CCDC149: variants seen among roughly 807,000 people sequenced by gnomAD.
CCDC149 encodes the protein coiled-coil domain-containing protein 149.
Under a neutral mutation model 59.9 loss-of-function variants are expected in CCDC149, and 45 were observed. The observed-to-expected ratio is 0.75, with a 90% CI of 0.59 to 0.96. CCDC149 has a LOEUF of 0.96. CCDC149 is among the 40% of genes least tolerant of loss of function. CCDC149 has a pLI of 0.00. For missense variants in CCDC149, 584 were observed against 664.7 expected (o/e 0.88, Z 1.33); for synonymous variants, 245 against 260.6 (o/e 0.94, Z 0.58).
chr4:24,972,437 A>T (rs1723999621), intron 1 of CCDC149, among the ~76,000 whole-genome samples: 1 of 151,966 alleles, frequency 6.6e-6, no homozygotes, highest in South Asian at 2.1e-4. Context: ...CCTCCCAAGT[A>T]GCTGGGACTA....
intron 3 of CCDC149, among the ~76,000 whole-genome samples, chr4:24,865,919 C>T (rs896054142): frequency 4.6e-5 from 7 of 152,152 alleles, no homozygotes; most frequent in Non-Finnish European, 8.8e-5. Flanking sequence ...TTTGGGAGTG[C>T]TCCTAGGGAC....
At chr4:24,962,636 A>G (rs1479331441) in intron 1 of CCDC149, among the ~76,000 whole-genome samples, 1 of 152,176 alleles carries the variant, frequency 6.6e-6, no homozygotes, top group Non-Finnish European at 1.5e-5. Flanking sequence ...CACAAGGACA[A>G]AAAACCAAGC....
intron 1 of CCDC149, among the ~76,000 whole-genome samples, chr4:24,953,274 G>A (rs568087862): frequency 1.3e-5 from 2 of 152,254 alleles, no homozygotes; most frequent in African/African-American, 4.8e-5. Flanking sequence ...TGCCCACCCT[G>A]GCTCTTGCAA....
chr4:24,913,007 G>A lies in CCDC149; in HGVS notation c.-128C>T, dbSNP rs1721990997. On this transcript the variant is annotated 5_prime_UTR_variant, in exon 1 of 13. Transcript: ENST00000635206. The stretch of plus-strand genomic sequence containing the variant: ...CCGAGCCGCTGCGCCGCCGCCTCTC[G>A]CGGCCGCCAGCGCTGTTGACTCCAC... 4.4e-6 allele frequency: 1 copy of A among 229,302 alleles called. No individual in the cohort carries two copies. Among genetic ancestry groups the A allele is most frequent in the African/African-American group, 2.4e-5 (1 of 42,540 alleles). 14.2% of individuals were successfully genotyped at this position (229,302 alleles called of 1,614,324 possible). A position where few individuals can be genotyped will look rare whatever the true frequency, so the allele number is the denominator to read the frequency against.
At chr4:24,960,290 T>C (rs1181447467) in intron 1 of CCDC149, among the ~76,000 whole-genome samples, 1 of 152,176 alleles carries the variant, frequency 6.6e-6, no homozygotes, top group Non-Finnish European at 1.5e-5. Flanking sequence ...TAACAATTGT[T>C]AATTGTTAGC....
chr4:24,881,656 G>A (rs144734687), intron 1 of CCDC149, among the ~76,000 whole-genome samples: 24 of 152,354 alleles, frequency 1.6e-4, no homozygotes, highest in African/African-American at 4.1e-4. Context: ...GACTGTCTGG[G>A]GGGGAGAAAA....
At chr4:24,910,451 T>TG (rs1355131861) in intron 1 of CCDC149, among the ~76,000 whole-genome samples, 1 of 151,172 alleles carries the variant, frequency 6.6e-6, no homozygotes, top group Non-Finnish European at 1.5e-5. Context: ...GGTGGGGAGG[T>TG]GGGGGGAGCA....
chr4:24,961,464 A>C (rs1411787714), intron 1 of CCDC149, among the ~76,000 whole-genome samples: 1 of 152,170 alleles, frequency 6.6e-6, no homozygotes, highest in East Asian at 1.9e-4. Context: ...AACTACTTTA[A>C]ACTTCATATG....
chr4:24,954,834 A>T (rs190900083), intron 1 of CCDC149, among the ~76,000 whole-genome samples: 7 of 152,362 alleles, frequency 4.6e-5, no homozygotes, highest in Admixed American at 3.9e-4. Context: ...TTCTATTCAT[A>T]CTGATCTTAT....
chr4:24,857,082 A>G (rs1287408355), intron 3 of CCDC149, among the ~76,000 whole-genome samples: 1 of 152,138 alleles, frequency 6.6e-6, no homozygotes, highest in Non-Finnish European at 1.5e-5. Context: ...ATGAAAACGT[A>G]AAAAAAGACA....
intron 3 of CCDC149, among the ~76,000 whole-genome samples, chr4:24,865,606 C>T (rs1001563736): frequency 5.3e-5 from 8 of 152,304 alleles, no homozygotes; most frequent in East Asian, 1.9e-4. Context: ...ACTGCCACCT[C>T]GTAATCTCAA....
intron 4 of CCDC149, among the ~76,000 whole-genome samples, chr4:24,843,247 G>A (rs1233740217): frequency 6.6e-6 from 1 of 152,202 alleles, no homozygotes; most frequent in African/African-American, 2.4e-5. Context: ...TATCGAGAGG[G>A]TCAGATGAAA....
intron 1 of CCDC149, among the ~76,000 whole-genome samples, chr4:24,910,212 T>C (rs1055577176): frequency 6.6e-6 from 1 of 152,216 alleles, no homozygotes; most frequent in African/African-American, 2.4e-5. Context: ...TGTCTTCACA[T>C]GGTCTTCCTT....
At chr4:24,871,532 T>C (rs1233673659) in intron 3 of CCDC149, among the ~76,000 whole-genome samples, 1 of 152,224 alleles carries the variant, frequency 6.6e-6, no homozygotes, top group East Asian at 1.9e-4. Context: ...AAAGCCGTCA[T>C]TTAGGGCATG....
chr4:24,881,054 T>C (rs1204222254), intron 1 of CCDC149, among the ~76,000 whole-genome samples: 1 of 152,222 alleles, frequency 6.6e-6, no homozygotes, highest in African/African-American at 2.4e-5. Context: ...CTCTGCCTTG[T>C]CTAAGACAGA....
chr4:24,869,384 G>A (rs977320590), intron 3 of CCDC149, among the ~76,000 whole-genome samples: 1 of 152,212 alleles, frequency 6.6e-6, no homozygotes, highest in African/African-American at 2.4e-5. Flanking sequence ...GGGCCCTGCT[G>A]TGGCTATTCC....
At position 24,893,444 on chromosome 4, in the gene CCDC149, A is replaced by C. The variant is rs1577459095; in HGVS notation, c.64-16747T>G. Among the ~76,000 whole-genome samples, 3 of 152,258 alleles carry C rather than the reference A, an allele frequency of 2.0e-5. No individual in the cohort carries two copies. The South Asian group carries it at 6.2e-4, about 32-fold the overall frequency. ...TGTGGTATGAGGAAATTGGACACCC[A>C]ATATTGTAAGACTTGTAATCCACTT... On this transcript the variant is annotated intron_variant, in intron 1 of 12. Coordinates refer to ENST00000635206, the MANE Select transcript of CCDC149 (RefSeq NM_001330643.2).
chr4:24,900,424 C>T (rs1337891983), intron 1 of CCDC149, among the ~76,000 whole-genome samples: 1 of 152,090 alleles, frequency 6.6e-6, no homozygotes, highest in Non-Finnish European at 1.5e-5. Context: ...AGCTACTTTC[C>T]CTAAATGAGG....
intron 11 of CCDC149, among the ~76,000 whole-genome samples, chr4:24,820,572 A>C (rs2109105847): frequency 6.6e-6 from 1 of 152,324 alleles, no homozygotes; most frequent in Non-Finnish European, 1.5e-5. Flanking sequence ...GTCTTATTTC[A>C]CCATTCAGTA....
Sources: allele counts gnomAD v4.1 joint callset (sites outside exome capture counted in the v4.1 genomes callset), GRCh38; gene constraint gnomAD v4.1.1; transcripts MANE v1.5; gene names NCBI Gene and HGNC (gene_info 2026-07-23, HGNC 2026-07-21).